The following RORA variants were observed in gnomAD, a reference collection of about 807,000 sequenced individuals.
RORA encodes the protein nuclear receptor ROR-alpha.
RORA carries 7 observed loss-of-function variants against 69.5 expected under a neutral mutation model. That is an observed-to-expected ratio of 0.10 (90% CI 0.06 to 0.19). RORA has a LOEUF of 0.19. Among genes scored for constraint, RORA ranks in the 10% least tolerant of loss-of-function variants. The pLI is 1.00. For missense variants in RORA, 457 were observed against 663.0 expected, an observed-to-expected ratio of 0.69 and a Z score of 3.41; for synonymous variants, 261 against 240.8, an observed-to-expected ratio of 1.08 and a Z score of -0.78.
At chr15:60,547,627 T>TTTA in intron 2 of RORA, 1 of 18,144 alleles carries the variant, frequency 5.5e-5, no homozygotes, top group African/African-American at 7.0e-5. Flanking sequence ...TGACTGGCCT[T>TTTA]TTTTTTTTTT....
chr15:60,885,305 T>C (rs111597845), intron 1 of RORA, among the ~76,000 whole-genome samples: 22,349 of 152,144 alleles, frequency 0.15, 1,951 homozygotes, highest in Non-Finnish European at 0.19. Context: ...AGAGATAACC[T>C]CAGAAAACAT....
chr15:60,520,692 A>G (rs904981925), intron 3 of RORA, among the ~76,000 whole-genome samples: 12 of 152,152 alleles, frequency 7.9e-5, no homozygotes, highest in African/African-American at 2.9e-4. Context: ...GCACAAAACT[A>G]GGGCATGGAG....
At chr15:61,156,274 T>C (rs563744465) in intron 1 of RORA, among the ~76,000 whole-genome samples, 1 of 152,306 alleles carries the variant, frequency 6.6e-6, no homozygotes, top group South Asian at 2.1e-4. Context: ...CATTTTAGTA[T>C]GATTCTAGAT....
intron 2 of RORA, among the ~76,000 whole-genome samples, chr15:60,636,977 CT>C (rs1302124540): frequency 1.3e-5 from 2 of 151,800 alleles, no homozygotes; most frequent in Non-Finnish European, 2.9e-5. Flanking sequence ...AATAATTTTC[CT>C]AATAAAGGAC....
At chr15:60,557,961 TTGA>T (rs756305836) in intron 2 of RORA, 15 of 285,630 alleles carry the variant, frequency 5.3e-5, no homozygotes, top group Non-Finnish European at 9.6e-5. Flanking sequence ...ATTTACTTTC[TTGA>T]TGATAAACAG....
At chr15:61,032,649 C>A (rs1045620026) in intron 1 of RORA, among the ~76,000 whole-genome samples, 1 of 152,030 alleles carries the variant, frequency 6.6e-6, no homozygotes, top group Non-Finnish European at 1.5e-5. Context: ...TGAAAAGAGG[C>A]CAAAGTTAAG....
intron 1 of RORA, among the ~76,000 whole-genome samples, chr15:60,909,207 T>C (rs1031498896): frequency 2.6e-5 from 4 of 152,222 alleles, no homozygotes; most frequent in Non-Finnish European, 5.9e-5. Context: ...GCAAGGACAC[T>C]GGCTCCCAAG....
intron 1 of RORA, among the ~76,000 whole-genome samples, chr15:60,706,865 A>C (rs1369117019): frequency 6.6e-6 from 1 of 152,208 alleles, no homozygotes; most frequent in Non-Finnish European, 1.5e-5. Context: ...AAAAGGAAAA[A>C]GCCTCCAAGA....
intron 1 of RORA, among the ~76,000 whole-genome samples, chr15:61,116,489 A>G (rs934471324): frequency 6.6e-6 from 1 of 152,158 alleles, no homozygotes; most frequent in Non-Finnish European, 1.5e-5. Context: ...CGGATACCCC[A>G]TTCCTGGACC....
intron 1 of RORA, among the ~76,000 whole-genome samples, chr15:60,967,898 C>T (rs1446453746): frequency 6.6e-6 from 1 of 152,172 alleles, no homozygotes; most frequent in Non-Finnish European, 1.5e-5. Context: ...GTTACAAATG[C>T]TTGCCATCTC....
intron 1 of RORA, among the ~76,000 whole-genome samples, chr15:61,037,226 T>C (rs1319195809): frequency 6.6e-6 from 1 of 152,210 alleles, no homozygotes; most frequent in Non-Finnish European, 1.5e-5. Flanking sequence ...AGACATGTCG[T>C]AAGTGCATGA....
chr15:60,710,196 A>C lies in RORA; in HGVS notation c.167-31510T>G, dbSNP rs149611227. On this transcript the variant is annotated intron_variant, in intron 1 of 10. Coordinates refer to ENST00000335670, the MANE Select transcript of RORA (RefSeq NM_134261.3). ...GGGAAGACAGGTTTCTCCTTATGTTAAAAATTAGTTGGCCAGGTGCAGTGG... is the reference window on the plus strand; with the variant it reads ...GGGAAGACAGGTTTCTCCTTATGTTCAAAATTAGTTGGCCAGGTGCAGTGG... Among the ~76,000 whole-genome samples, 522 of 152,308 alleles carry C rather than the reference A, an allele frequency of 3.4e-3. 1 individual carries two copies. The highest frequency in any genetic ancestry group is 4.7e-3 in the Non-Finnish European group (322 of 68,032).
At chr15:61,135,578 C>CAAAA (rs11453914) in intron 1 of RORA, among the ~76,000 whole-genome samples, 12 of 112,202 alleles carry the variant, frequency 1.1e-4, no homozygotes, top group African/African-American at 1.4e-4. Flanking sequence ...ATTTCCACAT[C>CAAAA]AAAAAAAAAA....
intron 1 of RORA, among the ~76,000 whole-genome samples, chr15:60,878,568 T>A (rs1264636295): frequency 6.6e-6 from 1 of 152,200 alleles, no homozygotes; most frequent in Non-Finnish European, 1.5e-5. Flanking sequence ...CGCCCTGCAG[T>A]GGCTGAGTCC....
At chr15:60,650,866 G>C (rs539550738) in intron 2 of RORA, among the ~76,000 whole-genome samples, 1 of 152,162 alleles carries the variant, frequency 6.6e-6, no homozygotes, top group East Asian at 1.9e-4. Flanking sequence ...CCATGTTTTG[G>C]TTGGTATTTT....
At chr15:61,194,678 T>C (rs1417404794) in intron 1 of RORA, among the ~76,000 whole-genome samples, 2 of 152,208 alleles carry the variant, frequency 1.3e-5, no homozygotes, top group African/African-American at 4.8e-5. Context: ...TGCAACATTG[T>C]ACATTTCAGC....
intron 1 of RORA, among the ~76,000 whole-genome samples, chr15:61,157,466 T>C (rs1281962520): frequency 6.6e-6 from 1 of 152,130 alleles, no homozygotes; most frequent in Non-Finnish European, 1.5e-5. Flanking sequence ...ACTACATTTA[T>C]AAAGTTTAAA....
intron 1 of RORA, among the ~76,000 whole-genome samples, chr15:61,073,115 T>C (rs562078423): frequency 8.3e-4 from 126 of 152,340 alleles, no homozygotes; most frequent in Middle Eastern, 6.8e-3. Flanking sequence ...GAGCAGACAG[T>C]GCATGTCTGC....
At chr15:61,046,643 T>C (rs1027083863) in intron 1 of RORA, among the ~76,000 whole-genome samples, 3 of 152,180 alleles carry the variant, frequency 2.0e-5, no homozygotes, top group Non-Finnish European at 4.4e-5. Flanking sequence ...TGCTTAATAT[T>C]TTTTAAGCAA....
Sources: allele counts gnomAD v4.1 joint callset (sites outside exome capture counted in the v4.1 genomes callset), GRCh38; gene constraint gnomAD v4.1.1; transcripts MANE v1.5; gene names NCBI Gene and HGNC (gene_info 2026-07-23, HGNC 2026-07-21).